BCAS3: variants seen among roughly 807,000 people sequenced by gnomAD.
The protein encoded by BCAS3 is BCAS3 microtubule associated cell migration factor.
Under a neutral mutation model 116.1 loss-of-function variants are expected in BCAS3, and 53 were observed. The ratio of observed to expected loss-of-function variants is 0.46; its 90% CI spans 0.37 to 0.57. BCAS3 has a LOEUF of 0.57. Among genes scored for constraint, BCAS3 ranks in the 20% least tolerant of loss-of-function variants. The pLI, the probability that BCAS3 is intolerant of heterozygous loss-of-function variation, is 0.00. For synonymous variants in BCAS3, 391 were observed against 408.2 expected (o/e 0.96, Z 0.51); for missense variants, 917 against 1,165.4 (o/e 0.79, Z 3.10).
At position 61,061,394 on chromosome 17, in the gene BCAS3, C is replaced by T. The variant is rs148126115; in HGVS notation, c.2030-13526C>T. Among the ~76,000 whole-genome samples, 207 of 152,290 alleles carry T rather than the reference C, an allele frequency of 1.4e-3. 2 individuals are homozygous for T. The East Asian group carries it at 0.015, about 11-fold the overall frequency. ...ATTTGCAAACATCACCCCCCATCCT[C>T]GCCTGCTTTTTTGTTGTTGTTTGTC... On this transcript the variant is annotated intron_variant, in intron 19 of 23. Transcript: ENST00000407086.
At chr17:61,157,138 G>A (rs1386351065) in intron 22 of BCAS3, among the ~76,000 whole-genome samples, 2 of 152,070 alleles carry the variant, frequency 1.3e-5, no homozygotes, top group Admixed American at 1.3e-4. Flanking sequence ...TGCATCTGGG[G>A]GAAATAACTC....
At chr17:61,296,542 T>C (rs1333042532) in intron 22 of BCAS3, among the ~76,000 whole-genome samples, 1 of 152,260 alleles carries the variant, frequency 6.6e-6, no homozygotes, top group African/African-American at 2.4e-5. Context: ...GCCAAAGTTC[T>C]CATTCCCCAG....
At chr17:60,812,706 T>C (rs770335827) in intron 7 of BCAS3, among the ~76,000 whole-genome samples, 9 of 152,072 alleles carry the variant, frequency 5.9e-5, no homozygotes, top group Non-Finnish European at 1.2e-4. Context: ...TATATACATA[T>C]GTACAGTTGA....
chr17:61,125,581 TTATC>T (rs1439345041), intron 22 of BCAS3, among the ~76,000 whole-genome samples: 1 of 152,208 alleles, frequency 6.6e-6, no homozygotes. Flanking sequence ...GATTGTGTAA[TTATC>T]AATAATCTAT....
intron 8 of BCAS3, among the ~76,000 whole-genome samples, chr17:60,869,672 A>G (rs186712517): frequency 1.3e-4 from 20 of 152,324 alleles, no homozygotes; most frequent in Admixed American, 1.1e-3. Flanking sequence ...AATACCCAAT[A>G]TATTATTGCT....
rs1457233388 is a variant in BCAS3, at chr17:61,054,781, G to GT, written c.2029+13890dup. ...TTTTACAGAATTCTATGTGATAGTA[G>GT]TATCTCAGTGTTCCTTCAGATTGTT... On this transcript the variant is annotated intron_variant, in intron 19 of 23. Transcript: ENST00000407086. Among the ~76,000 whole-genome samples the GT allele has an allele frequency of 2.6e-5, 4 of 152,208 alleles. No individual in the cohort carries two copies. In the East Asian group the frequency reaches 7.7e-4, roughly 29 times the overall value.
In BCAS3 at chr17:61,214,558, G is replaced by T. The variant is rs1391939849; in HGVS notation, c.2425+129994G>T. On this transcript the variant is annotated intron_variant, in intron 22 of 23. Coordinates refer to ENST00000407086, the MANE Select transcript of BCAS3 (RefSeq NM_017679.5). The surrounding 1 kb of genome is among the most constrained non-coding windows in gnomAD (Gnocchi z 4.4). ...AAAAAAAAATTAGCTGGGCGTGGCGGCGGGCGCCTGTAGTCCCAGCTACTC... is the reference window on the plus strand; with the variant it reads ...AAAAAAAAATTAGCTGGGCGTGGCGTCGGGCGCCTGTAGTCCCAGCTACTC... Among the ~76,000 whole-genome samples, 81 of 151,388 alleles carry T rather than the reference G, an allele frequency of 5.4e-4. 1 individual carries two copies. The highest frequency in any genetic ancestry group is 1.6e-3 in the African/African-American group (68 of 41,242).
chr17:61,046,057 T>TTATATATATATAATATATATA (rs2068254485), intron 19 of BCAS3, among the ~76,000 whole-genome samples: 1 of 19,090 alleles, frequency 5.2e-5, no homozygotes, highest in African/African-American at 6.1e-4. Flanking sequence ...AATATATATA[T>TTATATATATATAATATATATA]TATATATATA....
chr17:60,699,862 CAAAAA>C (rs34153475), intron 4 of BCAS3, among the ~76,000 whole-genome samples: 4 of 68,506 alleles, frequency 5.8e-5, no homozygotes, highest in Non-Finnish European at 7.4e-5. Flanking sequence ...GACTCCGTCT[CAAAAA>C]AAAAAAAAAA....
chr17:60,873,777 C>T (rs778246332), intron 8 of BCAS3, among the ~76,000 whole-genome samples: 22 of 152,182 alleles, frequency 1.4e-4, no homozygotes, highest in Non-Finnish European at 2.9e-4. Context: ...TGATGGGTTA[C>T]ATAAATCCAT....
intron 12 of BCAS3, among the ~76,000 whole-genome samples, chr17:60,920,870 AAACAACAACAACAACAAC>A (rs58062382): frequency 0.21 from 30,987 of 146,556 alleles, 4,081 homozygotes; most frequent in African/African-American, 0.38. Context: ...ACTCCATCGC[AAACAACAACAACAACAAC>A]AACAACAACA....
intron 4 of BCAS3, among the ~76,000 whole-genome samples, chr17:60,708,143 C>T (rs1357755095): frequency 6.6e-6 from 1 of 151,796 alleles, no homozygotes; most frequent in Non-Finnish European, 1.5e-5. Flanking sequence ...GGCAACATGG[C>T]GAAACCCTGT....
intron 14 of BCAS3, among the ~76,000 whole-genome samples, chr17:60,970,087 C>G (rs1362572844): frequency 2.0e-5 from 3 of 152,038 alleles, no homozygotes; most frequent in Admixed American, 6.6e-5. Context: ...TGATTTTTCC[C>G]TTTTAAAAAT....
chr17:60,979,715 A>C (rs1454820129), intron 14 of BCAS3, among the ~76,000 whole-genome samples: 4 of 151,926 alleles, frequency 2.6e-5, no homozygotes, highest in African/African-American at 7.3e-5. Context: ...AGGGTTGTTG[A>C]ATTTTGTCAG....
chr17:61,062,623 A>G (rs1203632546), intron 19 of BCAS3, among the ~76,000 whole-genome samples: 1 of 152,190 alleles, frequency 6.6e-6, no homozygotes, highest in Non-Finnish European at 1.5e-5. Context: ...GGGGACTTCA[A>G]AAAGTTTGTG....
intron 6 of BCAS3, among the ~76,000 whole-genome samples, chr17:60,775,331 T>C (rs2144445719): frequency 6.6e-6 from 1 of 152,318 alleles, no homozygotes; most frequent in East Asian, 1.9e-4. Flanking sequence ...TTCCTTCTCC[T>C]CTTAACTATC....
At chr17:61,079,353 T>G (rs1391823529) in intron 21 of BCAS3, among the ~76,000 whole-genome samples, 1 of 152,218 alleles carries the variant, frequency 6.6e-6, no homozygotes, top group Non-Finnish European at 1.5e-5. Flanking sequence ...CGTTTTTGTC[T>G]TCTTTGTCAG....
rs893480097 is a variant in BCAS3, at chr17:61,379,174, G to A, written c.2593+10680G>A. Reference sequence around the variant, plus strand: ...TTAACAAAAGGGAGGATTTCTCCCTGTTCCTCCTCCTCTGCCACAGTATTG... The same window carrying A: ...TTAACAAAAGGGAGGATTTCTCCCTATTCCTCCTCCTCTGCCACAGTATTG... On this transcript the variant is annotated intron_variant, in intron 23 of 23. Transcript: ENST00000407086. This position sits in a 1 kb window ranked among gnomAD's most constrained non-coding sequence, Gnocchi z 5.5. The A allele has an allele frequency of 1.3e-5, 2 of 152,220 alleles. No homozygotes were observed. The highest frequency in any genetic ancestry group is 4.8e-5 in the African/African-American group (2 of 41,432). 9.4% of individuals were successfully genotyped at this position (152,220 alleles called of 1,614,324 possible). A position where few individuals can be genotyped will look rare whatever the true frequency, so the allele number is the denominator to read the frequency against.
At chr17:60,908,674 C>A (rs543461295) in intron 11 of BCAS3, among the ~76,000 whole-genome samples, 1 of 152,130 alleles carries the variant, frequency 6.6e-6, no homozygotes, top group Non-Finnish European at 1.5e-5. Flanking sequence ...AATTGAGGAA[C>A]GTTGATGTGT....
Sources: allele counts gnomAD v4.1 joint callset (sites outside exome capture counted in the v4.1 genomes callset), GRCh38; gene constraint gnomAD v4.1.1; non-coding constraint Gnocchi (gnomAD v3.1); transcripts MANE v1.5; gene names NCBI Gene and HGNC (gene_info 2026-07-23, HGNC 2026-07-21).